Variants in EPHA5 observed in about 807,000 individuals in gnomAD.
EPHA5 encodes EPH receptor A5.
Under a neutral mutation model 105.0 loss-of-function variants are expected in EPHA5, and 60 were observed. The observed-to-expected ratio is 0.57, with a 90% CI of 0.46 to 0.71. EPHA5 has a LOEUF of 0.71. EPHA5 is among the 30% of genes least tolerant of loss of function. The probability of loss-of-function intolerance (pLI) is 0.00; values close to 1 mark genes in which losing one functional copy is unlikely to be tolerated. For missense variants in EPHA5, 1,218 were observed against 1,274.7 expected, an observed-to-expected ratio of 0.96 and a Z score of 0.68; for synonymous variants, 513 against 449.1, an observed-to-expected ratio of 1.14 and a Z score of -1.80.
At chr4:65,657,432 T>C (rs1578710122) in intron 1 of EPHA5, among the ~76,000 whole-genome samples, 3 of 152,148 alleles carry the variant, frequency 2.0e-5, no homozygotes, top group Non-Finnish European at 4.4e-5. Flanking sequence ...TACAAAGAGG[T>C]AGTGACCACA....
At chr4:65,584,833 CTATT>C (rs1159135431) in intron 3 of EPHA5, among the ~76,000 whole-genome samples, 1 of 151,788 alleles carries the variant, frequency 6.6e-6, no homozygotes, top group Non-Finnish European at 1.5e-5. Context: ...AAAAATCTTC[CTATT>C]TAATTATTTA....
intron 3 of EPHA5, among the ~76,000 whole-genome samples, chr4:65,563,981 A>G (rs1739277269): frequency 6.6e-6 from 1 of 151,966 alleles, no homozygotes; most frequent in Non-Finnish European, 1.5e-5. Flanking sequence ...TTTTTTGCCA[A>G]GTATCCTTTA....
At chr4:65,593,242 A>G (rs1742849133) in intron 3 of EPHA5, among the ~76,000 whole-genome samples, 1 of 152,202 alleles carries the variant, frequency 6.6e-6, no homozygotes, top group Non-Finnish European at 1.5e-5. Flanking sequence ...TGATAAAAGT[A>G]TATTAAGGAA....
At chr4:65,458,759 T>C (rs2149125734) in intron 5 of EPHA5, among the ~76,000 whole-genome samples, 1 of 152,212 alleles carries the variant, frequency 6.6e-6, no homozygotes, top group East Asian at 1.9e-4. Flanking sequence ...ATATAGTACA[T>C]GTATAAATAG....
chr4:65,332,923 T>C (rs929599921), intron 15 of EPHA5, among the ~76,000 whole-genome samples: 1 of 151,922 alleles, frequency 6.6e-6, no homozygotes, highest in African/African-American at 2.4e-5. Context: ...ATTTATTCTT[T>C]ATTTTACACT....
chr4:65,645,985 A>C (rs1748081102), intron 1 of EPHA5, among the ~76,000 whole-genome samples: 2 of 152,192 alleles, frequency 1.3e-5, no homozygotes, highest in Admixed American at 6.5e-5. Context: ...AATTATTTGC[A>C]TATTATTATA....
intron 3 of EPHA5, among the ~76,000 whole-genome samples, chr4:65,518,279 A>G (rs1734300711): frequency 6.6e-6 from 1 of 151,924 alleles, no homozygotes; most frequent in African/African-American, 2.4e-5. Context: ...ATCTCTTTCT[A>G]TACAATTAAG....
intron 5 of EPHA5, among the ~76,000 whole-genome samples, chr4:65,457,056 A>T (rs1727668789): frequency 7.3e-6 from 1 of 136,122 alleles, no homozygotes; most frequent in South Asian, 2.5e-4. Flanking sequence ...ACCTCCTTAT[A>T]CTTAAAAGCA....
At chr4:65,594,425 A>C (rs1373408691) in intron 3 of EPHA5, among the ~76,000 whole-genome samples, 3 of 152,220 alleles carry the variant, frequency 2.0e-5, no homozygotes, top group African/African-American at 7.2e-5. Flanking sequence ...TGTCATCATC[A>C]TATAAAACAT....
chr4:65,510,808 A>G (rs1040293342), intron 3 of EPHA5, among the ~76,000 whole-genome samples: 8 of 152,224 alleles, frequency 5.3e-5, no homozygotes, highest in African/African-American at 1.9e-4. Context: ...GACATAGTCC[A>G]CAAACATGCT....
chr4:65,668,400 A>G (rs1009941316), intron 1 of EPHA5, among the ~76,000 whole-genome samples: 19 of 152,182 alleles, frequency 1.2e-4, no homozygotes, highest in African/African-American at 4.6e-4. Flanking sequence ...CACAGCCCCA[A>G]ACCGAAACCT....
chr4:65,601,943 C>T lies in EPHA5; in HGVS notation c.608G>A (p.Gly203Glu), dbSNP rs1743778715. The T allele has an allele frequency of 6.2e-7, 1 of 1,614,122 alleles. No homozygotes were observed. The highest frequency in any genetic ancestry group is 1.3e-5 in the African/African-American group (1 of 75,024). ...MKLNTEVRDV[G>E]PLSKKGFYLA... The stretch of plus-strand genomic sequence containing the variant: ...ATAAAATCCCTTTTTGCTTAGAGGT[C>T]CTACATCTCTGACCTCTGTATTCAG... The change falls in exon 3 of 17, where the codon GGA (glycine) becomes GAA (glutamate). Residue 203 changes from glycine to glutamate, a missense_variant. Transcript: ENST00000613740.
At chr4:65,466,284 G>A (rs2149145361) in intron 5 of EPHA5, among the ~76,000 whole-genome samples, 1 of 152,324 alleles carries the variant, frequency 6.6e-6, no homozygotes, top group South Asian at 2.1e-4. Context: ...ATAAAAACAA[G>A]CATAGAAGTC....
intron 2 of EPHA5, among the ~76,000 whole-genome samples, chr4:65,611,943 G>A (rs928546727): frequency 1.4e-5 from 2 of 147,604 alleles, no homozygotes; most frequent in African/African-American, 5.0e-5. Context: ...CGTGAACCTG[G>A]CAGGCGGAGT....
At chr4:65,558,260 TATC>T (rs1169273463) in intron 3 of EPHA5, among the ~76,000 whole-genome samples, 4 of 152,168 alleles carry the variant, frequency 2.6e-5, no homozygotes, top group Non-Finnish European at 5.9e-5. Context: ...TATGTGCATT[TATC>T]ATTATTGGTA....
chr4:65,490,135 A>G (rs554957594), intron 5 of EPHA5, among the ~76,000 whole-genome samples: 2 of 152,346 alleles, frequency 1.3e-5, no homozygotes, highest in East Asian at 3.9e-4. Context: ...TTTCTAATGA[A>G]AAAATTCAAT....
At chr4:65,580,387 G>A (rs149625508) in intron 3 of EPHA5, among the ~76,000 whole-genome samples, 80 of 151,762 alleles carry the variant, frequency 5.3e-4, no homozygotes, top group Non-Finnish European at 8.4e-4. Context: ...AAATTGTACC[G>A]TCTGACATTA....
intron 3 of EPHA5, among the ~76,000 whole-genome samples, chr4:65,576,054 G>GAAAGAAAAGAAAAGA (rs1423504045): frequency 1.2e-5 from 1 of 81,560 alleles, no homozygotes; most frequent in Admixed American, 1.8e-4. Context: ...AAGAAAGAAA[G>GAAAGAAAAGAAAAGA]AAAGAAAAGA....
chr4:65,414,259 G>A (rs757505661), intron 7 of EPHA5, 25 bp downstream of exon 7: 13 of 1,607,138 alleles, frequency 8.1e-6, no homozygotes, highest in Non-Finnish European at 1.1e-5. Flanking sequence ...TGAGACATGA[G>A]CTGACAGTAA....
Sources: gnomAD v4.1 joint callset for allele counts (sites outside exome capture counted in the v4.1 genomes callset) on GRCh38, gnomAD v4.1.1 for gene constraint, MANE v1.5 for transcripts, NCBI Gene and HGNC (gene_info 2026-07-23, HGNC 2026-07-21) for gene names.